Variants in CREB5 observed in about 807,000 individuals in gnomAD.
CREB5 encodes the protein cyclic AMP-responsive element-binding protein 5.
A neutral mutation model predicts 57.1 loss-of-function variants in CREB5; 19 were observed. The ratio of observed to expected loss-of-function variants is 0.33; its 90% CI spans 0.23 to 0.49. The LOEUF (loss-of-function observed/expected upper bound fraction) is 0.49, where lower values mean the gene tolerates loss of function less well. Among genes scored for constraint, CREB5 ranks in the 20% least tolerant of loss-of-function variants. CREB5 has a pLI of 0.99. For missense variants in CREB5, 579 were observed against 671.6 expected, an observed-to-expected ratio of 0.86 and a Z score of 1.52; for synonymous variants, 238 against 238.3, an observed-to-expected ratio of 1.00 and a Z score of 0.01.
At chr7:28,516,707 G>A (rs1792975823) in intron 4 of CREB5, among the ~76,000 whole-genome samples, 1 of 152,214 alleles carries the variant, frequency 6.6e-6, no homozygotes, top group Non-Finnish European at 1.5e-5. Flanking sequence ...TTCCCAGCAG[G>A]GAACTTTCTC....
chr7:28,680,017 T>A (rs1235339280), intron 5 of CREB5, among the ~76,000 whole-genome samples: 1 of 143,454 alleles, frequency 7.0e-6, no homozygotes, highest in East Asian at 1.9e-4. Flanking sequence ...GTACACAGAG[T>A]AGAAAATTAT....
At chr7:28,719,059 G>A (rs891413698) in intron 6 of CREB5, among the ~76,000 whole-genome samples, 180 bp downstream of exon 6, 3 of 152,304 alleles carry the variant, frequency 2.0e-5, no homozygotes, top group South Asian at 2.1e-4. Context: ...CCCAGGCATC[G>A]TGTTGGCTTC....
intron 7 of CREB5, among the ~76,000 whole-genome samples, chr7:28,785,901 A>G (rs554155037): frequency 2.0e-5 from 3 of 152,180 alleles, no homozygotes; most frequent in African/African-American, 7.2e-5. Context: ...TCCAATAAGG[A>G]TCCTGTTTAA....
chr7:28,635,119 G>T (rs1404277769), intron 5 of CREB5, among the ~76,000 whole-genome samples: 4 of 152,116 alleles, frequency 2.6e-5, no homozygotes, highest in Non-Finnish European at 5.9e-5. Context: ...CTTCTAGTTA[G>T]TAGAGAAGCT....
intron 4 of CREB5, among the ~76,000 whole-genome samples, chr7:28,516,663 A>G (rs1482171729): frequency 6.6e-6 from 1 of 152,178 alleles, no homozygotes. Context: ...ACAATTAGGA[A>G]GCTCCGCCTT....
At chr7:28,409,751 C>T (rs1327209964), upstream of CREB5, 19 of 368,698 alleles carry the variant, frequency 5.2e-5, no homozygotes, top group South Asian at 3.4e-4. The surrounding 1 kb of genome is among the most constrained non-coding windows in gnomAD (Gnocchi z 4.4). Flanking sequence ...TGCCGGAGCG[C>T]TCGGTGGCCG....
chr7:28,753,259 T>C (rs1805086834), intron 7 of CREB5, among the ~76,000 whole-genome samples: 1 of 152,228 alleles, frequency 6.6e-6, no homozygotes, highest in Non-Finnish European at 1.5e-5. Flanking sequence ...CAACAATTCA[T>C]GTTTTCAAAA....
In CREB5 at chr7:28,809,267, G is replaced by A. The variant is rs760043783; in HGVS notation, c.1107G>A (p.Val369=). 9.9e-6 allele frequency: 16 copies of A among 1,614,190 alleles called. No individual in the cohort carries two copies. The Admixed American group carries it at 2.0e-4, about 20-fold the overall frequency. The change falls in exon 9 of 11, where the codon GTG becomes GTA. Residue 369 remains valine (V), a synonymous_variant. Transcript: ENST00000357727. ...PQPTGGRRRR[V]VDEDPDERRR... ...CCACAGGGGGGCGCCGGCGAAGGGT[G>A]GTAGACGAGGATCCGGACGAGAGGC...
At chr7:28,411,168 T>C (rs1787781062), upstream of CREB5, among the ~76,000 whole-genome samples, 1 of 152,164 alleles carries the variant, frequency 6.6e-6, no homozygotes, top group Admixed American at 6.5e-5. Flanking sequence ...AATCAGGAAA[T>C]GTTTGCAAGC....
intron 1 of CREB5, among the ~76,000 whole-genome samples, chr7:28,463,115 A>T (rs1354690542): frequency 6.6e-6 from 1 of 151,992 alleles, no homozygotes; most frequent in Non-Finnish European, 1.5e-5. Context: ...ATATATTTTG[A>T]ATTAGGGATC....
At chr7:28,638,958 G>C (rs1422437138) in intron 5 of CREB5, among the ~76,000 whole-genome samples, 1 of 152,102 alleles carries the variant, frequency 6.6e-6, no homozygotes, top group African/African-American at 2.4e-5. Flanking sequence ...TATTGTATGA[G>C]AGGAAAATTA....
At chr7:28,722,068 A>T (rs1424779395) in intron 6 of CREB5, among the ~76,000 whole-genome samples, 1 of 152,198 alleles carries the variant, frequency 6.6e-6, no homozygotes, top group Admixed American at 6.5e-5. Flanking sequence ...AGTTATTTTG[A>T]CTCTAGGTCT....
chr7:28,421,823 C>CATAT (rs140322574), intron 1 of CREB5, among the ~76,000 whole-genome samples: 52 of 143,368 alleles, frequency 3.6e-4, no homozygotes, highest in Admixed American at 1.3e-3. Context: ...ATATAGTGTG[C>CATAT]ATATATATAT....
chr7:28,800,128 T>C (rs994881235), intron 7 of CREB5, among the ~76,000 whole-genome samples: 1 of 152,218 alleles, frequency 6.6e-6, no homozygotes, highest in Admixed American at 6.5e-5. Flanking sequence ...ACTCAAATTA[T>C]ATCGCTACAA....
chr7:28,721,355 A>G (rs1803022672), intron 6 of CREB5, among the ~76,000 whole-genome samples: 1 of 152,208 alleles, frequency 6.6e-6, no homozygotes, highest in East Asian at 1.9e-4. Flanking sequence ...CAATGTAACT[A>G]ATAAACATTA....
chr7:28,674,067 G>T (rs535662115), intron 5 of CREB5, among the ~76,000 whole-genome samples: 73 of 152,174 alleles, frequency 4.8e-4, no homozygotes, highest in African/African-American at 1.7e-3. Context: ...AAAGGACAGG[G>T]TGCATAGGCA....
At chr7:28,713,799 CTT>C (rs1802532955) in intron 5 of CREB5, among the ~76,000 whole-genome samples, 1 of 152,160 alleles carries the variant, frequency 6.6e-6, no homozygotes, top group South Asian at 2.1e-4. Flanking sequence ...AGTTAAGAGT[CTT>C]TTCCCCCAGT....
At chr7:28,335,096 A>G (rs1327128821) in intron 1 of CREB5, among the ~76,000 whole-genome samples, 3 of 152,148 alleles carry the variant, frequency 2.0e-5, no homozygotes, top group African/African-American at 4.8e-5. Context: ...TTTGGTTACT[A>G]TAGCTCTAAA....
chr7:28,683,722 T>C (rs1331119723), intron 5 of CREB5, among the ~76,000 whole-genome samples: 1 of 152,166 alleles, frequency 6.6e-6, no homozygotes, highest in Admixed American at 6.5e-5. Context: ...TCTCCTTTGT[T>C]ACTTCCCAAG....
Sources: gnomAD v4.1 joint callset for allele counts (sites outside exome capture counted in the v4.1 genomes callset) on GRCh38, gnomAD v4.1.1 for gene constraint, Gnocchi (gnomAD v3.1) non-coding constraint, MANE v1.5 for transcripts, NCBI Gene and HGNC (gene_info 2026-07-23, HGNC 2026-07-21) for gene names.